The following CTNNA3 variants were observed in gnomAD, a reference collection of about 807,000 sequenced individuals.
CTNNA3 encodes catenin alpha-3.
CTNNA3 carries 76 observed loss-of-function variants against 95.7 expected under a neutral mutation model. That is an observed-to-expected ratio of 0.79 (90% confidence interval 0.66 to 0.96). The LOEUF is 0.96. Among genes scored for constraint, CTNNA3 ranks in the 40% least tolerant of loss-of-function variants. CTNNA3 has a pLI of 0.00. For synonymous variants in CTNNA3, 431 were observed against 374.4 expected (o/e 1.15, Z -1.74); for missense variants, 1,191 against 1,089.8 (o/e 1.09, Z -1.31).
At chr10:67,504,343 C>T (rs1189623909) in intron 5 of CTNNA3, among the ~76,000 whole-genome samples, 1 of 146,396 alleles carries the variant, frequency 6.8e-6, no homozygotes, top group Non-Finnish European at 1.5e-5. Context: ...GTCCCAGCTA[C>T]TCCGGAGGCT....
At chr10:66,341,387 A>G (rs943592931) in intron 12 of CTNNA3, among the ~76,000 whole-genome samples, 4 of 151,964 alleles carry the variant, frequency 2.6e-5, no homozygotes, top group African/African-American at 9.7e-5. Context: ...TTTGGGTGTC[A>G]GAGGCTACTT....
chr10:66,601,059 A>T (rs1843904996), intron 10 of CTNNA3, among the ~76,000 whole-genome samples: 1 of 151,868 alleles, frequency 6.6e-6, no homozygotes, highest in East Asian at 1.9e-4. Flanking sequence ...TAATAGAATG[A>T]GCCCAGTAAT....
intron 6 of CTNNA3, among the ~76,000 whole-genome samples, chr10:67,207,851 T>G (rs1238388920): frequency 6.6e-6 from 1 of 152,158 alleles, no homozygotes; most frequent in African/African-American, 2.4e-5. Flanking sequence ...AAGGCTCGTC[T>G]TTGAAAATGA....
rs568533917 is a variant in CTNNA3 at position 66,095,509 on chromosome 10, G to A, written c.1977+7648C>T. ...TCCCAATATTCTGTAAGGTAATTCC[G>A]TACAAATTTGAGTTATTGAGAGTAT... On this transcript the variant is annotated intron_variant, in intron 14 of 17. Coordinates refer to ENST00000433211, the MANE Select transcript of CTNNA3 (RefSeq NM_013266.4). Among the ~76,000 whole-genome samples the A allele has an allele frequency of 4.7e-4, 72 of 152,104 alleles. No individual in the cohort carries two copies. The South Asian group carries it at 6.0e-3, about 13-fold the overall frequency.
chr10:67,688,695 T>C (rs1175877555), intron 1 of CTNNA3, among the ~76,000 whole-genome samples: 2 of 152,176 alleles, frequency 1.3e-5, no homozygotes, highest in Non-Finnish European at 2.9e-5. Flanking sequence ...GGTGAGCCTG[T>C]TGATGCCTGA....
chr10:66,499,195 C>T (rs1840197307), intron 11 of CTNNA3, among the ~76,000 whole-genome samples: 1 of 152,124 alleles, frequency 6.6e-6, no homozygotes, highest in Non-Finnish European at 1.5e-5. Context: ...GAGGAAAGAG[C>T]CTCATTTGCC....
chr10:66,612,117 A>G (rs538326708), intron 10 of CTNNA3, among the ~76,000 whole-genome samples: 187 of 152,218 alleles, frequency 1.2e-3, no homozygotes, highest in Non-Finnish European at 2.0e-3. Context: ...CCTCAAATTC[A>G]TTCCCTTTCA....
At chr10:67,181,285 G>A (rs1219925061) in intron 6 of CTNNA3, among the ~76,000 whole-genome samples, 1 of 152,026 alleles carries the variant, frequency 6.6e-6, no homozygotes, top group African/African-American at 2.4e-5. Context: ...AACCTGACAC[G>A]GTATTTTTAA....
chr10:66,570,347 G>A (rs1842833448), intron 10 of CTNNA3, among the ~76,000 whole-genome samples: 1 of 151,994 alleles, frequency 6.6e-6, no homozygotes, highest in African/African-American at 2.4e-5. Context: ...GGAGTGCAGT[G>A]GTGCAATCTC....
At chr10:66,367,391 T>C (rs1008334995) in intron 12 of CTNNA3, among the ~76,000 whole-genome samples, 1 of 151,880 alleles carries the variant, frequency 6.6e-6, no homozygotes, top group Non-Finnish European at 1.5e-5. Context: ...TTCCAAATGA[T>C]CATTTAAAAC....
At chr10:66,928,034 G>C (rs1025928497) in intron 7 of CTNNA3, 2 of 1,614,110 alleles carry the variant, frequency 1.2e-6, no homozygotes, top group African/African-American at 2.7e-5. Context: ...GATCTGGCCA[G>C]GGCTCTCCCA....
At position 66,309,360 on chromosome 10, in the gene CTNNA3, C is replaced by CT. The variant is rs536949260; in HGVS notation, c.1733-28740dup. Among the ~76,000 whole-genome samples, 7 of 151,950 alleles carry CT rather than the reference C, an allele frequency of 4.6e-5. No individual in the cohort carries two copies. In the South Asian group the frequency reaches 1.3e-3, roughly 27 times the overall value. ...CACAAATAGACGCTTCTAATAACAC[C>CT]TTTTTTTTCGTCTCTGGAGCTCAAA... is the stretch of plus-strand genomic sequence containing the variant. On this transcript the variant is annotated intron_variant, in intron 12 of 17. Transcript: ENST00000433211.
intron 5 of CTNNA3, among the ~76,000 whole-genome samples, chr10:67,276,645 T>C (rs1386439047): frequency 1.3e-5 from 2 of 152,078 alleles, no homozygotes; most frequent in African/African-American, 4.8e-5. Flanking sequence ...TTATATATGG[T>C]TGATACATTT....
chr10:67,379,992 G>A (rs1387831799), intron 5 of CTNNA3, among the ~76,000 whole-genome samples: 1 of 123,920 alleles, frequency 8.1e-6, no homozygotes, highest in Non-Finnish European at 1.6e-5. Flanking sequence ...CTGCACTCCA[G>A]CCTGGGCGAC....
intron 5 of CTNNA3, among the ~76,000 whole-genome samples, chr10:67,447,261 T>C (rs1846788739): frequency 6.6e-6 from 1 of 152,246 alleles, no homozygotes; most frequent in African/African-American, 2.4e-5. Flanking sequence ...GGACTAGTTA[T>C]TGTTTATCTT....
chr10:66,919,344 A>C (rs1442751142), intron 7 of CTNNA3, among the ~76,000 whole-genome samples: 1 of 152,142 alleles, frequency 6.6e-6, no homozygotes, highest in African/African-American at 2.4e-5. Flanking sequence ...GGAAGAAAAA[A>C]AAGTATTTCC....
intron 7 of CTNNA3, among the ~76,000 whole-genome samples, chr10:66,869,676 T>C (rs1916388): frequency 0.15 from 23,168 of 151,846 alleles, 2,470 homozygotes; most frequent in African/African-American, 0.3. Context: ...TGGAGATTAT[T>C]TGGGGCATGA....
At chr10:67,687,519 G>A (rs886823912) in intron 1 of CTNNA3, among the ~76,000 whole-genome samples, 2 of 152,286 alleles carry the variant, frequency 1.3e-5, no homozygotes, top group South Asian at 4.1e-4. Flanking sequence ...GACTAAGGCT[G>A]TGGCCTTTCT....
intron 14 of CTNNA3, among the ~76,000 whole-genome samples, chr10:66,076,150 G>T (rs2080553965): frequency 6.6e-6 from 1 of 151,512 alleles, no homozygotes; most frequent in South Asian, 2.1e-4. Context: ...GATAACTCAT[G>T]TTCTTACCTT....
Sources: allele counts gnomAD v4.1 joint callset (sites outside exome capture counted in the v4.1 genomes callset), GRCh38; gene constraint gnomAD v4.1.1; transcripts MANE v1.5; gene names NCBI Gene and HGNC (gene_info 2026-07-23, HGNC 2026-07-21).